The following CHRM3 variants were observed in gnomAD, a reference collection of about 807,000 sequenced individuals.
The protein encoded by CHRM3 is cholinergic receptor muscarinic 3, also known as muscarinic acetylcholine receptor M3.
A neutral mutation model predicts 41.8 loss-of-function variants in CHRM3; 11 were observed. That is an observed-to-expected ratio of 0.26 (90% CI 0.17 to 0.44). The LOEUF (loss-of-function observed/expected upper bound fraction) is 0.44. Among genes scored for constraint, CHRM3 ranks in the 20% least tolerant of loss-of-function variants. The pLI is 1.00. For synonymous variants in CHRM3, 297 were observed against 301.4 expected (o/e 0.99, Z 0.15); for missense variants, 571 against 745.4 (o/e 0.77, Z 2.72).
intron 6 of CHRM3, among the ~76,000 whole-genome samples, chr1:239,851,804 GT>G (rs1211946811): frequency 2.0e-5 from 3 of 151,992 alleles, no homozygotes; most frequent in African/African-American, 7.2e-5. Context: ...AAAAGGTATA[GT>G]TTTCTTACCT....
At chr1:239,837,730 T>C (rs1673445485) in intron 6 of CHRM3, among the ~76,000 whole-genome samples, 1 of 152,206 alleles carries the variant, frequency 6.6e-6, no homozygotes, top group Admixed American at 6.5e-5. Flanking sequence ...TGGCTGACTT[T>C]ACCTGTTTAT....
At chr1:239,654,448 G>T (rs1278395324) in intron 4 of CHRM3, among the ~76,000 whole-genome samples, 1 of 152,208 alleles carries the variant, frequency 6.6e-6, no homozygotes, top group East Asian at 1.9e-4. Context: ...ACCCAGGCTA[G>T]AGTGCAGCAG....
At chr1:239,508,352 A>T (rs1004644447) in intron 2 of CHRM3, among the ~76,000 whole-genome samples, 43 of 152,328 alleles carry the variant, frequency 2.8e-4, no homozygotes, top group African/African-American at 9.1e-4. Flanking sequence ...AGAAGTTCTC[A>T]TTAAAATGTA....
chr1:239,562,838 A>G (rs1380725019), intron 3 of CHRM3, among the ~76,000 whole-genome samples: 1 of 144,530 alleles, frequency 6.9e-6, no homozygotes, highest in Non-Finnish European at 1.5e-5. Context: ...CAGTGAGCCG[A>G]GGTCGCGCCA....
At chr1:239,758,558 T>C (rs956041350) in intron 5 of CHRM3, among the ~76,000 whole-genome samples, 4 of 152,198 alleles carry the variant, frequency 2.6e-5, no homozygotes, top group African/African-American at 7.2e-5. Context: ...TATCCAACAT[T>C]TTGGGAGTTT....
At chr1:239,567,250 T>A (rs1661438420) in intron 3 of CHRM3, among the ~76,000 whole-genome samples, 1 of 150,898 alleles carries the variant, frequency 6.6e-6, no homozygotes, top group Non-Finnish European at 1.5e-5. Flanking sequence ...GGTGGGAGGA[T>A]CACTTGAGCC....
At chr1:239,760,648 A>G (rs368289183) in intron 5 of CHRM3, among the ~76,000 whole-genome samples, 29 of 151,804 alleles carry the variant, frequency 1.9e-4, no homozygotes, top group African/African-American at 5.8e-4. Context: ...CTCCAGGTCG[A>G]TTCACTTTTT....
chr1:239,588,203 A>G (rs999682835), intron 3 of CHRM3, among the ~76,000 whole-genome samples: 2 of 152,194 alleles, frequency 1.3e-5, no homozygotes, highest in Non-Finnish European at 2.9e-5. Context: ...TGCAGCTCCC[A>G]GTGAGTAGAC....
intron 1 of CHRM3, among the ~76,000 whole-genome samples, chr1:239,395,434 T>C (rs894929082): frequency 6.6e-6 from 1 of 152,176 alleles, no homozygotes; most frequent in Non-Finnish European, 1.5e-5. Context: ...ATGTTATGAA[T>C]AAATCAAGTG....
chr1:239,461,085 G>A (rs1238219128), intron 1 of CHRM3, among the ~76,000 whole-genome samples: 34 of 152,126 alleles, frequency 2.2e-4, no homozygotes, highest in Admixed American at 2.2e-3. Context: ...CATGTATGCA[G>A]CTCATTATTT....
At chr1:239,524,415 A>G (rs1669855944) in intron 2 of CHRM3, among the ~76,000 whole-genome samples, 1 of 151,976 alleles carries the variant, frequency 6.6e-6, no homozygotes, top group Non-Finnish European at 1.5e-5. Flanking sequence ...TCTATATTCT[A>G]CAGAGTGGTA....
intron 3 of CHRM3, among the ~76,000 whole-genome samples, chr1:239,574,335 T>G (rs958483448): frequency 3.9e-5 from 6 of 152,000 alleles, no homozygotes; most frequent in Non-Finnish European, 8.8e-5. Flanking sequence ...CTCCTCTCCT[T>G]CTTTCTGTCT....
Position 239,756,289 on chromosome 1 carries a change from C to A in CHRM3, c.-146-70963C>A, listed in dbSNP as rs1572191039. 3.3e-5 allele frequency among the ~76,000 whole-genome samples: 5 copies of A among 152,162 alleles called. 1 individual carries two copies. Among genetic ancestry groups the A allele is most frequent in the Admixed American group, 3.3e-4 (5 of 15,268 alleles). The stretch of plus-strand genomic sequence containing the variant: ...CATTACAGTGATGAAGGGAGCTTCT[C>A]CTAGTCAGTCTGTACTATGATGAAT... On this transcript the variant is annotated intron_variant, in intron 5 of 6. Coordinates refer to ENST00000676153, the MANE Select transcript of CHRM3 (RefSeq NM_001375978.1).
chr1:239,652,609 CTA>C (rs1244157455), intron 4 of CHRM3, among the ~76,000 whole-genome samples: 21 of 151,604 alleles, frequency 1.4e-4, no homozygotes, highest in African/African-American at 5.1e-4. Context: ...CCTTTTTTCT[CTA>C]TTTTCTCAAC....
At chr1:239,722,812 T>C (rs892029567) in intron 5 of CHRM3, among the ~76,000 whole-genome samples, 2 of 151,974 alleles carry the variant, frequency 1.3e-5, no homozygotes, top group Non-Finnish European at 2.9e-5. Context: ...TTGTACCTTA[T>C]TGAATCTCAT....
chr1:239,852,890 T>TTC (rs1337021135), intron 6 of CHRM3, among the ~76,000 whole-genome samples: 6 of 152,144 alleles, frequency 3.9e-5, no homozygotes, highest in African/African-American at 1.4e-4. Context: ...TATTGACAGG[T>TTC]GTTACATGGT....
chr1:239,538,518 T>C (rs1257313103), intron 2 of CHRM3, among the ~76,000 whole-genome samples: 2 of 152,232 alleles, frequency 1.3e-5, no homozygotes, highest in African/African-American at 4.8e-5. Context: ...ATGTTGGAAG[T>C]AGACTTAATT....
In CHRM3 at chr1:239,744,224, C is replaced by T. The variant is rs375985741; in HGVS notation, c.-147+65936C>T. On this transcript the variant is annotated intron_variant, in intron 5 of 6. Transcript: ENST00000676153. ...TTTAGTTTCTTAGGCCCTTAGGTTT[C>T]AGAGATGAACAAAAGTGATGTAGTT... 9.2e-5 allele frequency among the ~76,000 whole-genome samples: 14 copies of T among 152,134 alleles called. 1 individual carries two copies. In the South Asian group the frequency reaches 2.3e-3, roughly 25 times the overall value.
At position 239,642,516 on chromosome 1, in the gene CHRM3, T is replaced by A. The variant is rs191691021; in HGVS notation, c.-250+10230T>A. Among the ~76,000 whole-genome samples, 821 of 152,322 alleles carry A rather than the reference T, an allele frequency of 5.4e-3. 7 individuals are homozygous for A. The highest frequency in any genetic ancestry group is 0.019 in the African/African-American group (781 of 41,576). ...CCCTTCTCGCTTCATTTCATTCATT[T>A]CATCTTCCATCACTGATACCTCTTC... is the stretch of plus-strand genomic sequence containing the variant. On this transcript the variant is annotated intron_variant, in intron 4 of 6. Coordinates refer to ENST00000676153, the MANE Select transcript of CHRM3 (RefSeq NM_001375978.1).
Sources: allele counts gnomAD v4.1 joint callset (sites outside exome capture counted in the v4.1 genomes callset), GRCh38; gene constraint gnomAD v4.1.1; transcripts MANE v1.5; gene names NCBI Gene and HGNC (gene_info 2026-07-23, HGNC 2026-07-21).